The following ADGRB3 variants were observed in gnomAD, a reference collection of about 807,000 sequenced individuals.
ADGRB3 encodes brain-specific angiogenesis inhibitor 3.
In ADGRB3, 37 loss-of-function variants were observed where a neutral mutation model predicts 193.4. That is an observed-to-expected ratio of 0.19 (90% CI 0.15 to 0.25). The LOEUF is 0.25. Among genes scored for constraint, ADGRB3 ranks in the 10% least tolerant of loss-of-function variants. The pLI, the probability that ADGRB3 is intolerant of heterozygous loss-of-function variation, is 1.00. For synonymous variants in ADGRB3, 690 were observed against 644.2 expected (o/e 1.07, Z -1.08); for missense variants, 1,637 against 1,852.9 (o/e 0.88, Z 2.14).
intron 20 of ADGRB3, among the ~76,000 whole-genome samples, chr6:69,284,946 A>G (rs1385708595): frequency 6.6e-6 from 1 of 152,220 alleles, no homozygotes; most frequent in African/African-American, 2.4e-5. Flanking sequence ...AATTGGCAAG[A>G]TATTCCAGAG....
chr6:68,648,676 C>T (rs1233898156), intron 3 of ADGRB3, among the ~76,000 whole-genome samples: 1 of 149,554 alleles, frequency 6.7e-6, no homozygotes, highest in Non-Finnish European at 1.5e-5. Context: ...ATAGAAATGT[C>T]ACAGAAACAT....
chr6:69,222,663 T>C (rs1765920413), intron 17 of ADGRB3, among the ~76,000 whole-genome samples: 1 of 152,094 alleles, frequency 6.6e-6, no homozygotes, highest in African/African-American at 2.4e-5. Flanking sequence ...GGAAAAAACA[T>C]TGAAAAGAAA....
chr6:69,285,920 A>G (rs1320851734), intron 20 of ADGRB3, among the ~76,000 whole-genome samples: 1 of 152,000 alleles, frequency 6.6e-6, no homozygotes, highest in Admixed American at 6.6e-5. Context: ...GGCTTTAGGT[A>G]AAACAAAAGG....
At chr6:68,928,570 C>CT (rs775375705) in intron 3 of ADGRB3, among the ~76,000 whole-genome samples, 16 of 152,096 alleles carry the variant, frequency 1.1e-4, no homozygotes, top group Non-Finnish European at 2.2e-4. Context: ...TTCATAGTCT[C>CT]TATTAAAAAT....
chr6:68,722,213 T>C (rs760091757), intron 3 of ADGRB3, among the ~76,000 whole-genome samples: 2 of 151,782 alleles, frequency 1.3e-5, no homozygotes, highest in African/African-American at 2.4e-5. Flanking sequence ...TCTGTTCCTA[T>C]GTTAGTTTGC....
At position 69,319,334 on chromosome 6, in the gene ADGRB3, T is replaced by A. The variant is rs896411642; in HGVS notation, c.2815-5538T>A. The stretch of plus-strand genomic sequence containing the variant: ...TAAATTGTGGTCTGTGAAAATGTCC[T>A]GTGTATTATAAACTTCTTGAATTTA... On this transcript the variant is annotated intron_variant, in intron 20 of 31. Transcript: ENST00000370598. Among the ~76,000 whole-genome samples, 9 of 151,330 alleles carry A rather than the reference T, an allele frequency of 5.9e-5. No individual in the cohort carries two copies. In the East Asian group the frequency reaches 1.5e-3, roughly 26 times the overall value.
chr6:68,872,957 G>A (rs896204663), intron 3 of ADGRB3, among the ~76,000 whole-genome samples: 4 of 152,040 alleles, frequency 2.6e-5, no homozygotes, highest in African/African-American at 9.7e-5. Flanking sequence ...ACAACAAAAT[G>A]CCAGATAAAG....
At position 69,244,346 on chromosome 6, in the gene ADGRB3, G is replaced by T. The variant is rs528320843; in HGVS notation, c.2814+5120G>T. Among the ~76,000 whole-genome samples, 16 of 152,104 alleles carry T rather than the reference G, an allele frequency of 1.1e-4. No individual in the cohort carries two copies. In the East Asian group the frequency reaches 1.4e-3, roughly 13 times the overall value. The stretch of plus-strand genomic sequence containing the variant: ...GTAGGTTATAGTCACTCTAATGGAA[G>T]ATTTTTTTGTTTTGTCAGAATTGTG... On this transcript the variant is annotated intron_variant, in intron 20 of 31. Transcript: ENST00000370598.
At chr6:69,142,784 G>T (rs1774376075) in intron 17 of ADGRB3, among the ~76,000 whole-genome samples, 1 of 152,114 alleles carries the variant, frequency 6.6e-6, no homozygotes, top group Non-Finnish European at 1.5e-5. Context: ...TGTCTGTGAG[G>T]GGTCTCTGCT....
At chr6:68,669,358 A>C (rs1582111181) in intron 3 of ADGRB3, among the ~76,000 whole-genome samples, 2 of 151,818 alleles carry the variant, frequency 1.3e-5, no homozygotes, top group South Asian at 2.1e-4. Context: ...TTTCTTTTGT[A>C]CCCATTAGCC....
Position 69,389,124 on chromosome 6 carries a change from T to C in ADGRB3, c.*233T>C, listed in dbSNP as rs1770139710. On this transcript the variant is annotated 3_prime_UTR_variant, in exon 32 of 32. Transcript: ENST00000370598. ...TGTAAGTACCCGTGGAATGGATTTGTAAGGTAATCTTTATAGATAAACCTC... is the reference window on the plus strand; with the variant it reads ...TGTAAGTACCCGTGGAATGGATTTGCAAGGTAATCTTTATAGATAAACCTC... The C allele has an allele frequency of 5.6e-6, 2 of 358,866 alleles. No individual in the cohort carries two copies. Among genetic ancestry groups the C allele is most frequent in the Non-Finnish European group, 5.0e-6 (1 of 198,326 alleles). 22.2% of individuals were successfully genotyped at this position (358,866 alleles called of 1,614,324 possible). A position where few individuals can be genotyped will look rare whatever the true frequency, so the allele number is the denominator to read the frequency against.
At chr6:69,124,268 C>T (rs777087840) in intron 17 of ADGRB3, among the ~76,000 whole-genome samples, 68 of 152,034 alleles carry the variant, frequency 4.5e-4, no homozygotes, top group Non-Finnish European at 8.5e-4. Context: ...TTGTTTATTT[C>T]TCTTTTTATT....
At chr6:68,926,303 T>C (rs1340417544) in intron 3 of ADGRB3, among the ~76,000 whole-genome samples, 1 of 152,128 alleles carries the variant, frequency 6.6e-6, no homozygotes, top group Admixed American at 6.6e-5. Context: ...GAAAGTCCAT[T>C]TTTAATTCAA....
At chr6:69,294,544 T>C (rs1202921256) in intron 20 of ADGRB3, among the ~76,000 whole-genome samples, 2 of 152,118 alleles carry the variant, frequency 1.3e-5, no homozygotes, top group Non-Finnish European at 2.9e-5. Flanking sequence ...TTGGGTTCTC[T>C]ACAATTCGCT....
intron 8 of ADGRB3, among the ~76,000 whole-genome samples, chr6:68,973,522 T>C (rs755865294): frequency 1.2e-4 from 19 of 152,348 alleles, no homozygotes; most frequent in Non-Finnish European, 2.4e-4. Flanking sequence ...GGATTAAATA[T>C]TATATTATTC....
chr6:68,921,502 T>A (rs1767042819), intron 3 of ADGRB3, among the ~76,000 whole-genome samples: 1 of 152,176 alleles, frequency 6.6e-6, no homozygotes, highest in Admixed American at 6.5e-5. Context: ...TATGTCAGGA[T>A]TAAACACTAA....
At chr6:69,170,782 G>A (rs1292034375) in intron 17 of ADGRB3, among the ~76,000 whole-genome samples, 2 of 152,128 alleles carry the variant, frequency 1.3e-5, no homozygotes, top group Non-Finnish European at 2.9e-5. Flanking sequence ...GCAAGAGCTC[G>A]AAAGGTAAGT....
At chr6:68,888,535 T>C (rs1246190475) in intron 3 of ADGRB3, among the ~76,000 whole-genome samples, 2 of 108,850 alleles carry the variant, frequency 1.8e-5, no homozygotes, top group Admixed American at 1.8e-4. Flanking sequence ...CTTTTTTGGG[T>C]AATAGATACA....
intron 3 of ADGRB3, among the ~76,000 whole-genome samples, chr6:68,795,919 C>T (rs950644742): frequency 2.6e-5 from 4 of 152,010 alleles, no homozygotes; most frequent in Non-Finnish European, 5.9e-5. Context: ...CTTACTGTGT[C>T]TTAATGATTT....
Sources: allele counts gnomAD v4.1 joint callset (sites outside exome capture counted in the v4.1 genomes callset), GRCh38; gene constraint gnomAD v4.1.1; transcripts MANE v1.5; gene names NCBI Gene and HGNC (gene_info 2026-07-23, HGNC 2026-07-21).